TMIGD1: variants seen among roughly 807,000 people sequenced by gnomAD.
TMIGD1 encodes transmembrane and immunoglobulin domain-containing protein 1.
TMIGD1 carries 29 observed loss-of-function variants against 27.5 expected under a neutral mutation model. That is an observed-to-expected ratio of 1.05 (90% confidence interval 0.78 to 1.44). The LOEUF is 1.44. TMIGD1 is among the 40% of genes most tolerant of loss of function. The pLI is 0.00. For missense variants in TMIGD1, 334 were observed against 310.6 expected, an observed-to-expected ratio of 1.08 and a Z score of -0.57; for synonymous variants, 109 against 110.3, an observed-to-expected ratio of 0.99 and a Z score of 0.07.
chr17:30,328,676 C>T (rs980166190), intron 3 of TMIGD1, among the ~76,000 whole-genome samples: 1 of 152,090 alleles, frequency 6.6e-6, no homozygotes, highest in African/African-American at 2.4e-5. Context: ...TGAAAACAGG[C>T]TGGGTGCAGT....
At chr17:30,327,416 C>A (rs1400297532) in intron 3 of TMIGD1, among the ~76,000 whole-genome samples, 68 of 144,388 alleles carry the variant, frequency 4.7e-4, no homozygotes, top group Middle Eastern at 3.6e-3. Context: ...GACCCTGTCT[C>A]AAAAAAAAAA....
rs527419444 is a variant in TMIGD1 at position 30,322,593 on chromosome 17, G to A, written c.640+2223C>T. Among the ~76,000 whole-genome samples, 244 of 152,260 alleles carry A rather than the reference G, an allele frequency of 1.6e-3. 1 individual carries two copies. The highest frequency in any genetic ancestry group is 5.7e-3 in the African/African-American group (237 of 41,552). On this transcript the variant is annotated intron_variant, in intron 4 of 6. Transcript: ENST00000328886. ...CGGCTCACTGCAACCTCTGCCTTCT[G>A]GTTTCAAGCAATTCTCCTGCCTCAG...
chr17:30,320,152 C>T (rs1438360583), intron 4 of TMIGD1, among the ~76,000 whole-genome samples: 1 of 151,982 alleles, frequency 6.6e-6, no homozygotes, highest in Non-Finnish European at 1.5e-5. Context: ...ATTCTCCTGC[C>T]TCAGCCTCCC....
intron 3 of TMIGD1, among the ~76,000 whole-genome samples, chr17:30,325,419 G>T (rs1456936655): frequency 6.6e-6 from 1 of 152,120 alleles, no homozygotes; most frequent in Non-Finnish European, 1.5e-5. Flanking sequence ...TCTTCTCTGA[G>T]AATTAATAAA....
intron 1 of TMIGD1, among the ~76,000 whole-genome samples, chr17:30,332,967 G>A (rs538286237): frequency 1.3e-5 from 2 of 152,094 alleles, no homozygotes; most frequent in South Asian, 2.1e-4. Flanking sequence ...TCCTGAGGTC[G>A]TTTCTATAGA....
At position 30,317,189 on chromosome 17, in the gene TMIGD1, T is replaced by G. The variant is rs560614291; in HGVS notation, c.785+4A>C. The G allele has an allele frequency of 1.9e-6, 3 of 1,614,106 alleles. No individual in the cohort carries two copies. In the South Asian group the frequency reaches 3.3e-5, roughly 18 times the overall value. On this transcript the variant is annotated splice_donor_region_variant and intron_variant, in intron 6 of 6. Coordinates refer to ENST00000328886, the MANE Select transcript of TMIGD1 (RefSeq NM_206832.3). ...AAGCACTGGTCCCGGCCTAGAGTAC[T>G]TACAGAGCTGTTTCACTGTGAGGGT...
rs202103641 is a variant in TMIGD1, at chr17:30,320,912, CA to C, written c.641-2000del. Among the ~76,000 whole-genome samples, 1,181 of 152,282 alleles carry C rather than the reference CA, an allele frequency of 7.8e-3. 8 individuals are homozygous for C. Among genetic ancestry groups the C allele is most frequent in the Non-Finnish European group, 0.012 (838 of 68,026 alleles). ...TCGCTCTGCCGCCCAGGCTGGAGTG[CA>C]GTGGCTTGATCTCGGCTCACTGCAA... On this transcript the variant is annotated intron_variant, in intron 4 of 6. Transcript: ENST00000328886.
At position 30,316,668 on chromosome 17, in the gene TMIGD1, C is replaced by A; in HGVS notation, c.*19G>T. 6.2e-7 allele frequency: 1 copy of A among 1,613,000 alleles called. No individual in the cohort carries two copies. Among genetic ancestry groups the A allele is most frequent in the Non-Finnish European group, 8.5e-7 (1 of 1,179,436 alleles). On this transcript the variant is annotated 3_prime_UTR_variant, in exon 7 of 7. Transcript: ENST00000328886. ...CCTGATGCAAAACTCTCTCTGTATT[C>A]GATGGCATCTCAGCTTTCTCATCTG...
rs1909996677 is a variant in TMIGD1 at position 30,332,075 on chromosome 17, A to G, written c.59T>C (p.Leu20Ser). Reference protein sequence around the residue: ...QMGRFLLLVILFLPREMTSSV... With the variant: ...QMGRFLLLVISFLPREMTSSV... ...ACTTGTCATCTCACGTGGCAGAAAT[A>G]AAATTACTAAGAGAAGAAATCTTCC... Residue 20 changes from leucine to serine, a missense_variant, in exon 2 of 7, where the codon TTA becomes TCA. By Grantham distance (145) the Leu-to-Ser change is moderately radical. Transcript: ENST00000328886. 1.2e-6 allele frequency: 2 copies of G among 1,612,620 alleles called. No homozygotes were observed.
rs1237730606 is a variant in TMIGD1 at position 30,327,544 on chromosome 17, T to TTTTTA, written c.361+1702_361+1706dup. Among the ~76,000 whole-genome samples, 1,497 of 151,894 alleles carry TTTTTA rather than the reference T, an allele frequency of 9.9e-3. 16 individuals are homozygous for TTTTTA. Among genetic ancestry groups the TTTTTA allele is most frequent in the African/African-American group, 0.026 (1,087 of 41,284 alleles). ...CCGGGCCTTAGTTTCCTTAGCTGGC[T>TTTTTA]TTTTATTTTATTTTATTTTATTTTA... On this transcript the variant is annotated intron_variant, in intron 3 of 6. Transcript: ENST00000328886.
chr17:30,324,046 G>A (rs1909697414), intron 4 of TMIGD1, among the ~76,000 whole-genome samples: 1 of 152,198 alleles, frequency 6.6e-6, no homozygotes. Context: ...GCTTCCTGGT[G>A]ACTGACAAGA....
At chr17:30,320,765 G>A (rs1309190842) in intron 4 of TMIGD1, among the ~76,000 whole-genome samples, 1 of 152,176 alleles carries the variant, frequency 6.6e-6, no homozygotes, top group Non-Finnish European at 1.5e-5. Context: ...GCTGGGGCAG[G>A]AGGATTGCTT....
intron 4 of TMIGD1, 124 bp from the exon 5 acceptor site, chr17:30,319,037 A>G (rs1452841935): frequency 4.3e-6 from 3 of 705,832 alleles, no homozygotes; most frequent in Non-Finnish European, 7.4e-6. Context: ...ACAATCTCAA[A>G]AAGTAGGTAT....
chr17:30,330,167 A>T (rs1435594206), intron 2 of TMIGD1, among the ~76,000 whole-genome samples: 1 of 150,790 alleles, frequency 6.6e-6, no homozygotes, highest in Admixed American at 6.6e-5. Flanking sequence ...TGTGTTGTTT[A>T]AAGGCACCCC....
In TMIGD1 at chr17:30,316,675, A is replaced by G; in HGVS notation, c.*12T>C. 6.2e-7 allele frequency: 1 copy of G among 1,613,496 alleles called. No homozygotes were observed. On this transcript the variant is annotated 3_prime_UTR_variant, in exon 7 of 7. Coordinates refer to ENST00000328886, the MANE Select transcript of TMIGD1 (RefSeq NM_206832.3). ...CAAAACTCTCTCTGTATTCGATGGC[A>G]TCTCAGCTTTCTCATCTGAAATGAA...
Position 30,317,200 on chromosome 17 carries a change from T to C in TMIGD1, c.778A>G (p.Thr260Ala). Reference sequence around the variant, plus strand: ...CCGGCCTAGAGTACTTACAGAGCTGTTTCACTGTGAGGGTCTTTATCCTTC... The same window carrying C: ...CCGGCCTAGAGTACTTACAGAGCTGCTTCACTGTGAGGGTCTTTATCCTTC... ...CMKDKDPHSE[T>A]AL The change falls in exon 6 of 7, where the codon ACA (threonine) becomes GCA (alanine). Residue 260 changes from threonine (T) to alanine (A), a missense_variant. Physicochemically the swap from Thr to Ala is moderately conservative, Grantham distance 58 (BLOSUM62 0). Coordinates refer to ENST00000328886, the MANE Select transcript of TMIGD1 (RefSeq NM_206832.3). The C allele has an allele frequency of 6.2e-7, 1 of 1,614,076 alleles. No individual in the cohort carries two copies. The highest frequency in any genetic ancestry group is 8.5e-7 in the Non-Finnish European group (1 of 1,179,964).
At chr17:30,323,974 G>A (rs1483143319) in intron 4 of TMIGD1, among the ~76,000 whole-genome samples, 1 of 152,166 alleles carries the variant, frequency 6.6e-6, no homozygotes, top group Non-Finnish European at 1.5e-5. Flanking sequence ...TCCCCTCAAG[G>A]GGAAGCAAAT....
chr17:30,333,113 ATT>A (rs1910035569), intron 1 of TMIGD1, among the ~76,000 whole-genome samples: 1 of 151,994 alleles, frequency 6.6e-6, no homozygotes, highest in Admixed American at 6.6e-5. Flanking sequence ...TACTGCCTAG[ATT>A]AATATTCTTT....
chr17:30,331,987 G>C (rs1177077650), intron 2 of TMIGD1, 65 bp downstream of exon 2: 2 of 1,094,092 alleles, frequency 1.8e-6, no homozygotes, highest in African/African-American at 1.6e-5. Context: ...AATGCCCATT[G>C]ATCACTTTTC....
Sources: gnomAD v4.1 joint callset for allele counts (sites outside exome capture counted in the v4.1 genomes callset) on GRCh38, gnomAD v4.1.1 for gene constraint, MANE v1.5 for transcripts, NCBI Gene and HGNC (gene_info 2026-07-23, HGNC 2026-07-21) for gene names.